The following CDKN2B-AS1 variants were observed in gnomAD, a reference collection of about 807,000 sequenced individuals.
The protein encoded by CDKN2B-AS1 is CDKN2B and CDKN2A antisense cis and trans regulatory RNA 1.
intron 4 of CDKN2B-AS1, among the ~76,000 whole-genome samples, chr9:22,096,142 C>T (rs1825268263): frequency 6.6e-6 from 1 of 152,172 alleles, no homozygotes; most frequent in Non-Finnish European, 1.5e-5. Flanking sequence ...GCAAACAATA[C>T]AGTGCATCTG....
At chr9:22,025,815 C>G (rs11791383) in intron 1 of CDKN2B-AS1, among the ~76,000 whole-genome samples, 7 of 152,120 alleles carry the variant, frequency 4.6e-5, no homozygotes, top group Non-Finnish European at 8.8e-5. Context: ...GGATCAGGGA[C>G]CTGCTTTCAA....
chr9:22,098,098 C>T (rs1392128376), intron 4 of CDKN2B-AS1, among the ~76,000 whole-genome samples: 2 of 152,100 alleles, frequency 1.3e-5, no homozygotes, highest in East Asian at 1.9e-4. Flanking sequence ...AGTGAAAAAA[C>T]ACCAGCACTC....
chr9:22,028,287 A>G (rs773321149), intron 1 of CDKN2B-AS1, among the ~76,000 whole-genome samples: 20 of 152,134 alleles, frequency 1.3e-4, no homozygotes, highest in Non-Finnish European at 2.5e-4. Context: ...ATAATCATCA[A>G]CTGATTGCAA....
At chr9:22,055,619 T>A (rs1461759441) in intron 3 of CDKN2B-AS1, among the ~76,000 whole-genome samples, 1 of 152,192 alleles carries the variant, frequency 6.6e-6, no homozygotes, top group Admixed American at 6.5e-5. Flanking sequence ...TTTTCTGTGA[T>A]TGATCTTTTT....
At chr9:22,043,299 G>T (rs987806800) in intron 1 of CDKN2B-AS1, among the ~76,000 whole-genome samples, 1 of 151,948 alleles carries the variant, frequency 6.6e-6, no homozygotes, top group African/African-American at 2.4e-5. Context: ...CATATTCATA[G>T]ATTTTTTTCT....
intron 4 of CDKN2B-AS1, among the ~76,000 whole-genome samples, chr9:22,104,848 A>G (rs1357132591): frequency 6.6e-6 from 1 of 152,226 alleles, no homozygotes; most frequent in Non-Finnish European, 1.5e-5. Context: ...ATAGTGCTCT[A>G]ATAAGAGCAA....
intron 1 of CDKN2B-AS1, among the ~76,000 whole-genome samples, chr9:22,024,235 TG>T (rs1822134590): frequency 6.6e-6 from 1 of 152,206 alleles, no homozygotes; most frequent in Admixed American, 6.5e-5. Context: ...ACTCCTGGAC[TG>T]CATGTTCTAA....
intron 4 of CDKN2B-AS1, among the ~76,000 whole-genome samples, chr9:22,076,911 T>A (rs536835083): frequency 9.2e-5 from 14 of 152,200 alleles, no homozygotes; most frequent in Non-Finnish European, 1.9e-4. Context: ...CTCGAACTCC[T>A]TGGGCTTAAG....
At chr9:22,104,581 C>T (rs1288407801) in intron 4 of CDKN2B-AS1, among the ~76,000 whole-genome samples, 1 of 152,204 alleles carries the variant, frequency 6.6e-6, no homozygotes, top group Non-Finnish European at 1.5e-5. Flanking sequence ...TACCACCGTA[C>T]CTCTCCTACA....
chr9:22,015,387 A>C (rs1381151449), intron 1 of CDKN2B-AS1, among the ~76,000 whole-genome samples: 1 of 152,118 alleles, frequency 6.6e-6, no homozygotes, highest in Non-Finnish European at 1.5e-5. Flanking sequence ...GCTTTATAGG[A>C]AGTTTTTAAA....
At chr9:22,099,884 CAAAT>C (rs1825424072) in intron 4 of CDKN2B-AS1, among the ~76,000 whole-genome samples, 1 of 152,076 alleles carries the variant, frequency 6.6e-6, no homozygotes, top group African/African-American at 2.4e-5. Flanking sequence ...ACACAAGAAA[CAAAT>C]AACACCCGTG....
At chr9:22,036,368 C>T (rs1556515) in intron 1 of CDKN2B-AS1, among the ~76,000 whole-genome samples, 108,031 of 151,924 alleles carry the variant, frequency 0.71, 40,157 homozygotes, top group African/African-American at 0.91. Context: ...AGACACAATT[C>T]TTTGATAGGT....
At chr9:22,015,879 T>A (rs1821731307) in intron 1 of CDKN2B-AS1, among the ~76,000 whole-genome samples, 1 of 152,192 alleles carries the variant, frequency 6.6e-6, no homozygotes, top group Non-Finnish European at 1.5e-5. Flanking sequence ...GTCTTTTGGC[T>A]GCATAAATGT....
chr9:22,002,479 A>G (rs1053561090), intron 1 of CDKN2B-AS1, among the ~76,000 whole-genome samples: 3 of 74,452 alleles, frequency 4.0e-5, no homozygotes, highest in Non-Finnish European at 9.8e-5. Flanking sequence ...CAGCAAAAAG[A>G]AAAAAAAACC....
At chr9:22,025,998 AC>A (rs911140432) in intron 1 of CDKN2B-AS1, among the ~76,000 whole-genome samples, 2 of 150,948 alleles carry the variant, frequency 1.3e-5, no homozygotes, top group Non-Finnish European at 3.0e-5. Context: ...GAAGTCTGAA[AC>A]CTCTCTCAGT....
intron 1 of CDKN2B-AS1, among the ~76,000 whole-genome samples, chr9:22,033,713 C>G (rs1359938582): frequency 6.6e-6 from 1 of 152,104 alleles, no homozygotes; most frequent in Non-Finnish European, 1.5e-5. Context: ...CCACTTGCTC[C>G]AACAATTAAC....
intron 1 of CDKN2B-AS1, among the ~76,000 whole-genome samples, chr9:22,019,507 G>C (rs1447019841): frequency 6.6e-6 from 1 of 152,178 alleles, no homozygotes; most frequent in Admixed American, 6.5e-5. Context: ...TACAATGAGA[G>C]AGGTTGGTGA....
At chr9:22,027,125 T>C (rs1296095697) in intron 1 of CDKN2B-AS1, among the ~76,000 whole-genome samples, 1 of 151,708 alleles carries the variant, frequency 6.6e-6, no homozygotes, top group African/African-American at 2.4e-5. Flanking sequence ...GTCACACACA[T>C]TAACTGCTTC....
chr9:22,060,614 G>A (rs114407234), intron 4 of CDKN2B-AS1, among the ~76,000 whole-genome samples: 2,079 of 152,184 alleles, frequency 0.014, 53 homozygotes, highest in African/African-American at 0.048. Context: ...ACATTTTTGG[G>A]TATCTATTCA....
Sources: gnomAD v4.1 joint callset for allele counts (sites outside exome capture counted in the v4.1 genomes callset) on GRCh38, gnomAD v4.1.1 for gene constraint, MANE v1.5 for transcripts, NCBI Gene and HGNC (gene_info 2026-07-23, HGNC 2026-07-21) for gene names.